PCDHA10: variants seen among roughly 807,000 people sequenced by gnomAD.
The protein encoded by PCDHA10 is protocadherin alpha 10, also known as protocadherin alpha-10.
A neutral mutation model predicts 61.2 loss-of-function variants in PCDHA10; 45 were observed. The observed-to-expected ratio is 0.74, with a 90% CI of 0.58 to 0.94. The LOEUF is 0.94. Among genes scored for constraint, PCDHA10 ranks in the 40% least tolerant of loss-of-function variants. The probability of loss-of-function intolerance (pLI) is 0.00; values close to 1 mark genes in which losing one functional copy is unlikely to be tolerated. For missense variants in PCDHA10, 1,278 were observed against 1,236.2 expected (o/e 1.03, Z -0.51); for synonymous variants, 602 against 548.8 (o/e 1.10, Z -1.35).
intron 1 of PCDHA10, chr5:140,877,889 GT>G: frequency 6.9e-7 from 1 of 1,458,120 alleles, no homozygotes; most frequent in Non-Finnish European, 9.0e-7. Context: ...AAGAACTTCC[GT>G]TTAGGTTATA....
chr5:141,001,401 G>A (rs190876782), intron 3 of PCDHA10, among the ~76,000 whole-genome samples: 12 of 152,314 alleles, frequency 7.9e-5, no homozygotes, highest in African/African-American at 2.4e-4. Context: ...AGAGAACAGG[G>A]AGTATATTTT....
intron 1 of PCDHA10, chr5:140,869,394 G>A (rs782128248): frequency 6.2e-7 from 1 of 1,614,078 alleles, no homozygotes; most frequent in Non-Finnish European, 8.5e-7. Flanking sequence ...AGCTGTGCGG[G>A]CAGAGCGCGG....
intron 1 of PCDHA10, among the ~76,000 whole-genome samples, chr5:140,924,421 A>G (rs2081827627): frequency 6.6e-6 from 1 of 152,172 alleles, no homozygotes; most frequent in Non-Finnish European, 1.5e-5. Flanking sequence ...TGCCCTTTCT[A>G]GTTCCCTAGA....
At chr5:140,866,641 A>C (rs567516921) in intron 1 of PCDHA10, 3 of 152,226 alleles carry the variant, frequency 2.0e-5, no homozygotes, top group African/African-American at 2.4e-5. Flanking sequence ...ACGGTGTCAA[A>C]ATTTATTTAT....
chr5:140,992,216 C>G (rs1554252754), intron 3 of PCDHA10, among the ~76,000 whole-genome samples: 1 of 152,100 alleles, frequency 6.6e-6, no homozygotes, highest in African/African-American at 2.4e-5. Flanking sequence ...AAACTACTCT[C>G]CCTTCCTGGG....
rs1261636098 is a variant in PCDHA10, at chr5:140,968,913, C to G, written c.2389-10036C>G. 6.8e-6 allele frequency: 11 copies of G among 1,614,036 alleles called. No homozygotes were observed. Among genetic ancestry groups the G allele is most frequent in the Non-Finnish European group, 8.5e-6 (10 of 1,180,044 alleles). On this transcript the variant is annotated intron_variant, in intron 1 of 3. Transcript: ENST00000307360. ...CTAATAATAGCATTAAGCACAGTGT[C>G]TTTTATATTTCTTTTGACAATCATC...
intron 1 of PCDHA10, among the ~76,000 whole-genome samples, chr5:140,907,616 G>A (rs2073492016): frequency 6.6e-6 from 1 of 152,216 alleles, no homozygotes; most frequent in Non-Finnish European, 1.5e-5. Flanking sequence ...CATATCAAGG[G>A]CTCAGTGTTG....
Position 140,883,458 on chromosome 5 carries a change from T to G in PCDHA10, c.2388+25022T>G, listed in dbSNP as rs1315500498. ...TTGACGCCGCATGTCCCCTTCAAGC[T>G]GGTGTCCACCTACAAGAACTACTAC... On this transcript the variant is annotated intron_variant, in intron 1 of 3. Coordinates refer to ENST00000307360, the MANE Select transcript of PCDHA10 (RefSeq NM_018901.4). 13 of 1,614,058 alleles carry G rather than the reference T, an allele frequency of 8.1e-6. No individual in the cohort carries two copies. Among genetic ancestry groups the G allele is most frequent in the Non-Finnish European group, 1.1e-5 (13 of 1,180,042 alleles).
chr5:140,965,821 C>T (rs782710036), intron 1 of PCDHA10, among the ~76,000 whole-genome samples: 9 of 152,150 alleles, frequency 5.9e-5, no homozygotes, highest in Non-Finnish European at 1.0e-4. Flanking sequence ...GCATTTTAAA[C>T]ATTTAAATAT....
intron 3 of PCDHA10, among the ~76,000 whole-genome samples, chr5:140,995,371 C>T (rs143381591): frequency 1.3e-5 from 2 of 152,238 alleles, no homozygotes; most frequent in African/African-American, 2.4e-5. Flanking sequence ...GGATGATTCA[C>T]GTACTGGGCA....
intron 3 of PCDHA10, among the ~76,000 whole-genome samples, chr5:141,007,422 G>C (rs190866782): frequency 7.0e-6 from 1 of 143,592 alleles, no homozygotes; most frequent in Non-Finnish European, 1.5e-5. Flanking sequence ...AAAAAAATTA[G>C]CCAGGCATGG....
intron 1 of PCDHA10, chr5:140,882,349 T>TC (rs1396642305): frequency 5.0e-6 from 8 of 1,613,872 alleles, no homozygotes; most frequent in Non-Finnish European, 6.8e-6. Context: ...GGGAGACGGG[T>TC]AGTGGCCAGC....
At chr5:140,935,104 A>C (rs1233919640) in intron 1 of PCDHA10, among the ~76,000 whole-genome samples, 1 of 152,126 alleles carries the variant, frequency 6.6e-6, no homozygotes, top group South Asian at 2.1e-4. Flanking sequence ...GCCATTTTTC[A>C]AAGAGCTTTC....
chr5:140,877,782 GGCCTTCAGCCCAA>G, intron 1 of PCDHA10: 1 of 1,614,154 alleles, frequency 6.2e-7, no homozygotes, highest in Non-Finnish European at 8.5e-7. Context: ...CGGACCTCAT[GGCCTTCAGCCCAA>G]GCCTTCAGCT....
intron 1 of PCDHA10, chr5:140,928,017 C>T (rs782665827): frequency 1.2e-6 from 2 of 1,614,064 alleles, no homozygotes; most frequent in East Asian, 4.5e-5. Flanking sequence ...ATGGTAGGGT[C>T]ATTTGTGGCA....
intron 1 of PCDHA10, among the ~76,000 whole-genome samples, chr5:140,975,124 C>T (rs560299893): frequency 6.6e-6 from 1 of 152,268 alleles, no homozygotes; most frequent in African/African-American, 2.4e-5. Flanking sequence ...TTCCTACTTA[C>T]TATTGGCCTG....
At chr5:140,860,323 G>A (rs782283348) in intron 1 of PCDHA10, 1 of 152,078 alleles carries the variant, frequency 6.6e-6, no homozygotes, top group African/African-American at 2.4e-5. Context: ...TGAGGCTGCA[G>A]TGACCCATGA....
At chr5:140,925,124 A>AGGAAGGAAGGAAGG (rs1554202565) in intron 1 of PCDHA10, among the ~76,000 whole-genome samples, 2 of 151,856 alleles carry the variant, frequency 1.3e-5, no homozygotes, top group African/African-American at 2.4e-5. Context: ...GAAGGAAGGA[A>AGGAAGGAAGGAAGG]AAAAAATTTC....
At chr5:140,931,189 C>A (rs2087353658) in intron 1 of PCDHA10, among the ~76,000 whole-genome samples, 1 of 152,112 alleles carries the variant, frequency 6.6e-6, no homozygotes, top group Non-Finnish European at 1.5e-5. Flanking sequence ...GAAATTGGTG[C>A]ACTACAATGC....
Sources: allele counts gnomAD v4.1 joint callset (sites outside exome capture counted in the v4.1 genomes callset), GRCh38; gene constraint gnomAD v4.1.1; transcripts MANE v1.5; gene names NCBI Gene and HGNC (gene_info 2026-07-23, HGNC 2026-07-21).